The following NTNG2 variants were observed in gnomAD, a reference collection of about 807,000 sequenced individuals.
NTNG2 encodes netrin-G2.
A neutral mutation model predicts 47.6 loss-of-function variants in NTNG2; 15 were observed. That is an observed-to-expected ratio of 0.32 (90% CI 0.21 to 0.49). The LOEUF (loss-of-function observed/expected upper bound fraction) is 0.49, where lower values mean the gene tolerates loss of function less well. Among genes scored for constraint, NTNG2 ranks in the 20% least tolerant of loss-of-function variants. The pLI is 0.99. For missense variants in NTNG2, 578 were observed against 764.6 expected (o/e 0.76, Z 2.88); for synonymous variants, 307 against 324.6 (o/e 0.95, Z 0.58).
At chr9:132,161,927 A>G (rs1207229117), upstream of NTNG2, 5 of 150,450 alleles carry the variant, frequency 3.3e-5, no homozygotes, top group Non-Finnish European at 7.4e-5. The surrounding 1 kb of genome is among the most constrained non-coding windows in gnomAD (Gnocchi z 7.2). Flanking sequence ...AAAAGTTTGC[A>G]CTTGTTAGCG....
chr9:132,188,957 C>T (rs889774057), intron 2 of NTNG2, among the ~76,000 whole-genome samples: 1 of 151,898 alleles, frequency 6.6e-6, no homozygotes, highest in African/African-American at 2.4e-5. Flanking sequence ...ATCTTTTCCT[C>T]ACCCATTCTA....
intron 2 of NTNG2, among the ~76,000 whole-genome samples, chr9:132,172,162 C>T (rs905873725): frequency 6.6e-6 from 1 of 152,222 alleles, no homozygotes; most frequent in Non-Finnish European, 1.5e-5. Flanking sequence ...TGCCTGCCCC[C>T]TCCTTCCTTT....
At chr9:132,238,079 T>C (rs1227154897) in intron 5 of NTNG2, among the ~76,000 whole-genome samples, 2 of 126,202 alleles carry the variant, frequency 1.6e-5, no homozygotes, top group Non-Finnish European at 3.1e-5. Context: ...AGATGGTGTT[T>C]CAAGAGGGTG....
intron 3 of NTNG2, among the ~76,000 whole-genome samples, chr9:132,216,381 C>CCTCTCTCTCTCTCTCTCTCT (rs1199246893): frequency 8.3e-6 from 1 of 120,884 alleles, no homozygotes. Flanking sequence ...GCTGACTCAG[C>CCTCTCTCTCTCTCTCTCTCT]CTCTCTCTCT....
intron 3 of NTNG2, among the ~76,000 whole-genome samples, chr9:132,210,549 C>T (rs1839515869): frequency 2.0e-5 from 3 of 152,224 alleles, no homozygotes; most frequent in South Asian, 4.1e-4. Context: ...CTGCCAACAG[C>T]GGACGGGGGA....
chr9:132,227,120 C>A, intron 4 of NTNG2, 99 bp downstream of exon 4: 1 of 1,292,300 alleles, frequency 7.7e-7, no homozygotes, highest in Middle Eastern at 2.0e-4. Context: ...CACAAACCTG[C>A]ACACAGGCAC....
In NTNG2 at chr9:132,208,029, AG is replaced by A. The variant is rs1257725053; in HGVS notation, c.857+9422del. ...TGAGGTGGGAGGATTGCTTGAGCCC[AG>A]GAAGTCAAGCCTGCAGTGAGTTATG... On this transcript the variant is annotated intron_variant, in intron 3 of 7. Coordinates refer to ENST00000393229, the MANE Select transcript of NTNG2 (RefSeq NM_032536.4). This position sits in a 1 kb window ranked among gnomAD's most constrained non-coding sequence, Gnocchi z 4.0. Among the ~76,000 whole-genome samples the A allele has an allele frequency of 6.6e-6, 1 of 152,144 alleles. No homozygotes were observed. The highest frequency in any genetic ancestry group is 2.4e-5 in the African/African-American group (1 of 41,428).
Position 132,218,435 on chromosome 9 carries a change from G to A in NTNG2, c.858-8414G>A, listed in dbSNP as rs747868284. Among the ~76,000 whole-genome samples, 2 of 152,202 alleles carry A rather than the reference G, an allele frequency of 1.3e-5. No individual in the cohort carries two copies. Among genetic ancestry groups the A allele is most frequent in the Non-Finnish European group, 2.9e-5 (2 of 68,028 alleles). On this transcript the variant is annotated intron_variant, in intron 3 of 7. Transcript: ENST00000393229. This position sits in a 1 kb window ranked among gnomAD's most constrained non-coding sequence, Gnocchi z 5.4. ...CAAAGTGAGCACTCACGCATCAGCT[G>A]TCTACCCAGGAGACTTCCTTTGAGG...
rs754580509 is a variant in NTNG2 at position 132,229,641 on chromosome 9, GTC to G, written c.1031-929_1031-928del. 9.6e-4 allele frequency among the ~76,000 whole-genome samples: 146 copies of G among 152,328 alleles called. 2 individuals are homozygous for G. The highest frequency in any genetic ancestry group is 1.9e-3 in the Non-Finnish European group (127 of 68,038). On this transcript the variant is annotated intron_variant, in intron 4 of 7. Coordinates refer to ENST00000393229, the MANE Select transcript of NTNG2 (RefSeq NM_032536.4). ...GGCTGCACCCCGAGGTGTCCTCAGGGTCTAGCAGGTGGCTGCCCAGACATGGA... is the reference window on the plus strand; with the variant it reads ...GGCTGCACCCCGAGGTGTCCTCAGGGTAGCAGGTGGCTGCCCAGACATGGA...
chr9:132,176,361 T>G (rs1589381045), intron 2 of NTNG2, among the ~76,000 whole-genome samples: 1 of 152,158 alleles, frequency 6.6e-6, no homozygotes, highest in South Asian at 2.1e-4. Context: ...CTCCTTCCCC[T>G]GCCCCTGAAA....
intron 2 of NTNG2, among the ~76,000 whole-genome samples, chr9:132,191,871 A>G (rs1379146096): frequency 3.3e-5 from 5 of 152,172 alleles, no homozygotes; most frequent in African/African-American, 1.2e-4. Flanking sequence ...GCGCCCGGCC[A>G]TTACCGCATC....
At chr9:132,212,932 C>A (rs977311103) in intron 3 of NTNG2, among the ~76,000 whole-genome samples, 1 of 128,708 alleles carries the variant, frequency 7.8e-6, no homozygotes, top group African/African-American at 4.7e-5. Flanking sequence ...TCTCTCCCAA[C>A]CCCCCAAAGA....
At chr9:132,190,050 G>A (rs1442454270) in intron 2 of NTNG2, among the ~76,000 whole-genome samples, 6 of 148,626 alleles carry the variant, frequency 4.0e-5, no homozygotes, top group African/African-American at 9.8e-5. Context: ...TGGCTAACAC[G>A]GTGAAACCCC....
At chr9:132,167,816 G>A (rs191903825) in intron 2 of NTNG2, among the ~76,000 whole-genome samples, 64 of 152,314 alleles carry the variant, frequency 4.2e-4, no homozygotes, top group Admixed American at 2.4e-3. Flanking sequence ...CTGTCTGAGT[G>A]TGTGGGCCGA....
Position 132,221,465 on chromosome 9 carries a change from G to T in NTNG2, c.858-5384G>T, listed in dbSNP as rs959163949. Among the ~76,000 whole-genome samples the T allele has an allele frequency of 6.6e-6, 1 of 152,142 alleles. No homozygotes were observed. The highest frequency in any genetic ancestry group is 1.5e-5 in the Non-Finnish European group (1 of 68,032). On this transcript the variant is annotated intron_variant, in intron 3 of 7. Transcript: ENST00000393229. This position sits in a 1 kb window ranked among gnomAD's most constrained non-coding sequence, Gnocchi z 4.2. ...CACAGTGACCTGCAAAAGTCAGAGA[G>T]ACCAGAAGCACCTGCATTGACCAGG...
chr9:132,206,326 G>A (rs1216847820), intron 3 of NTNG2, among the ~76,000 whole-genome samples: 1 of 152,166 alleles, frequency 6.6e-6, no homozygotes, highest in African/African-American at 2.4e-5. Flanking sequence ...CAAAATATTT[G>A]GAGAGTCCCT....
At position 132,241,239 on chromosome 9, in the gene NTNG2, G is replaced by C. The variant is rs543492688; in HGVS notation, c.1357+195G>C. ...GGGCGGGGCCTCGCGAGACGGGGCA[G>C]GGCCGGGGCAGTGGGTGGGGCCTAG... On this transcript the variant is annotated intron_variant, in intron 7 of 7. Transcript: ENST00000393229. 1.8e-4 allele frequency among the ~76,000 whole-genome samples: 28 copies of C among 151,996 alleles called. 1 individual carries two copies. The South Asian group carries it at 5.4e-3, about 29-fold the overall frequency.
At chr9:132,216,674 G>A (rs1840018590) in intron 3 of NTNG2, among the ~76,000 whole-genome samples, 1 of 152,110 alleles carries the variant, frequency 6.6e-6, no homozygotes, top group African/African-American at 2.4e-5. Context: ...GGATCAGGTG[G>A]CCCAGGTGAT....
intron 3 of NTNG2, among the ~76,000 whole-genome samples, chr9:132,199,953 A>C (rs1838617385): frequency 6.6e-6 from 1 of 152,174 alleles, no homozygotes; most frequent in Admixed American, 6.5e-5. Context: ...TGGATGATTA[A>C]ATGGTTCTGT....
Sources: gnomAD v4.1 joint callset for allele counts (sites outside exome capture counted in the v4.1 genomes callset) on GRCh38, gnomAD v4.1.1 for gene constraint, Gnocchi (gnomAD v3.1) non-coding constraint, MANE v1.5 for transcripts, NCBI Gene and HGNC (gene_info 2026-07-23, HGNC 2026-07-21) for gene names.